QTGAL: variants seen among roughly 807,000 people sequenced by gnomAD.
QTGAL encodes the protein BGnT-like protein 1.
chr17:82,965,506 G>A, the QTGAL span: 35 of 787,662 alleles, frequency 4.4e-5, no homozygotes, highest in South Asian at 3.1e-4. Flanking sequence ...AGGGGGCACC[G>A]GGAGGACCCT....
At chr17:82,958,568 C>G in the QTGAL span, among the ~76,000 whole-genome samples, 1 of 152,152 alleles carries the variant, frequency 6.6e-6, no homozygotes, top group African/African-American at 2.4e-5. Context: ...CCTGTGGCAC[C>G]CCCTGTTTGT....
the QTGAL span, among the ~76,000 whole-genome samples, chr17:82,992,483 T>C: frequency 6.6e-6 from 1 of 152,106 alleles, no homozygotes; most frequent in East Asian, 1.9e-4. Flanking sequence ...CCTTCAAACA[T>C]GAAGGAGAGA....
At chr17:82,977,419 A>G in the QTGAL span, among the ~76,000 whole-genome samples, 1 of 152,268 alleles carries the variant, frequency 6.6e-6, no homozygotes, top group Middle Eastern at 3.4e-3. Flanking sequence ...CCGGGTGCTC[A>G]GTGTTGGGAG....
the QTGAL span, among the ~76,000 whole-genome samples, chr17:82,974,009 A>G: frequency 6.6e-5 from 10 of 152,004 alleles, no homozygotes; most frequent in Non-Finnish European, 2.9e-5. Flanking sequence ...GGCGCGTTTC[A>G]CCGTGGGTCG....
At chr17:82,983,512 C>CCA in the QTGAL span, among the ~76,000 whole-genome samples, 2 of 152,160 alleles carry the variant, frequency 1.3e-5, no homozygotes, top group African/African-American at 4.8e-5. Flanking sequence ...ATTCCCAGCC[C>CCA]CACACAGAAC....
the QTGAL span, among the ~76,000 whole-genome samples, chr17:83,026,381 T>C: frequency 0.025 from 3,763 of 152,312 alleles, 106 homozygotes; most frequent in African/African-American, 0.071. Flanking sequence ...CCCAAAAGCC[T>C]GTCCACAGGA....
the QTGAL span, among the ~76,000 whole-genome samples, chr17:82,953,602 C>G: frequency 6.6e-6 from 1 of 152,156 alleles, no homozygotes; most frequent in Non-Finnish European, 1.5e-5. Context: ...GGAGCTGGTA[C>G]CATTCATTCT....
chr17:82,988,691 A>G, the QTGAL span, among the ~76,000 whole-genome samples: 1 of 152,254 alleles, frequency 6.6e-6, no homozygotes, highest in African/African-American at 2.4e-5. Flanking sequence ...AAGTGGGCAA[A>G]GGACATGAAC....
At chr17:82,950,033 C>A in the QTGAL span, 1 of 152,166 alleles carries the variant, frequency 6.6e-6, no homozygotes, top group African/African-American at 2.4e-5. Context: ...AAAGTCACAG[C>A]AACAGTAGAG....
chr17:82,959,078 T>G, the QTGAL span, among the ~76,000 whole-genome samples: 6 of 124,322 alleles, frequency 4.8e-5, no homozygotes, highest in Admixed American at 1.7e-4. Context: ...TGGGGGTGTA[T>G]GGTGTGTATG....
At chr17:83,025,119 CCA>C in the QTGAL span, among the ~76,000 whole-genome samples, 3 of 152,000 alleles carry the variant, frequency 2.0e-5, no homozygotes, top group Non-Finnish European at 4.4e-5. Flanking sequence ...ACCATGGAGT[CCA>C]CACACACATA....
the QTGAL span, among the ~76,000 whole-genome samples, chr17:82,980,580 C>T: frequency 6.6e-6 from 1 of 152,188 alleles, no homozygotes; most frequent in African/African-American, 2.4e-5. Context: ...GAGGGACCCA[C>T]AGAATTCAGG....
chr17:82,970,139 A>T, the QTGAL span, among the ~76,000 whole-genome samples: 1 of 152,074 alleles, frequency 6.6e-6, no homozygotes. Context: ...TGCCTGTCAC[A>T]CAGGGTGCCC....
chr17:82,970,634 ACCTCCGCACCCG>A, the QTGAL span, among the ~76,000 whole-genome samples: 26 of 101,300 alleles, frequency 2.6e-4, 1 homozygote, highest in Admixed American at 3.4e-4. Context: ...CGTGGCCGCG[ACCTCCGCACCCG>A]GTGTGGCCGC....
chr17:82,945,969 G>A, the QTGAL span: 1 of 152,118 alleles, frequency 6.6e-6, no homozygotes. Flanking sequence ...TGCTTAAAAT[G>A]GACAACAGCA....
the QTGAL span, among the ~76,000 whole-genome samples, chr17:82,974,002 G>A: frequency 3.9e-5 from 6 of 152,132 alleles, no homozygotes; most frequent in South Asian, 4.1e-4. Context: ...CCCATGGGGC[G>A]CGTTTCACCG....
the QTGAL span, chr17:82,947,842 A>G: frequency 6.6e-6 from 1 of 151,908 alleles, no homozygotes; most frequent in African/African-American, 2.4e-5. Context: ...ATTTCCACAC[A>G]CTCTGCCGCT....
the QTGAL span, among the ~76,000 whole-genome samples, chr17:83,028,296 G>A: frequency 6.6e-5 from 10 of 151,466 alleles, no homozygotes; most frequent in East Asian, 1.9e-4. Flanking sequence ...AGGCCGAGGC[G>A]GGCGGATCAC....
the QTGAL span, among the ~76,000 whole-genome samples, chr17:83,000,669 C>A: frequency 0.012 from 1,846 of 152,270 alleles, 43 homozygotes; most frequent in African/African-American, 0.042. Context: ...TATTCCTAGG[C>A]CATGCTGTTT....
Sources: allele counts gnomAD v4.1 joint callset (sites outside exome capture counted in the v4.1 genomes callset), GRCh38; gene constraint gnomAD v4.1.1; transcripts MANE v1.5; gene names NCBI Gene and HGNC (gene_info 2026-07-23, HGNC 2026-07-21).